The following SNX29 variants were observed in gnomAD, a reference collection of about 807,000 sequenced individuals.
SNX29 encodes the protein sorting nexin-29.
A neutral mutation model predicts 102.1 loss-of-function variants in SNX29; 78 were observed. The ratio of observed to expected loss-of-function variants is 0.76; its 90% CI spans 0.64 to 0.92. SNX29 has a LOEUF of 0.92. SNX29 is among the 40% of genes least tolerant of loss of function. SNX29 has a pLI of 0.00. For missense variants in SNX29, 1,280 were observed against 1,061.7 expected (o/e 1.21, Z -2.86); for synonymous variants, 580 against 414.5 (o/e 1.40, Z -4.85).
Position 12,306,236 on chromosome 16 carries a change from G to A in SNX29, c.1782+28200G>A, listed in dbSNP as rs563916692. Among the ~76,000 whole-genome samples the A allele has an allele frequency of 1.3e-4, 20 of 152,154 alleles. No individual in the cohort carries two copies. In the South Asian group the frequency reaches 3.3e-3, roughly 25 times the overall value. On this transcript the variant is annotated intron_variant, in intron 15 of 20. Transcript: ENST00000566228. ...GCTTTGATATAGAAAGAGTTGCATCGAAATTCTGTGTACTCTTAACCACTG... is the reference window on the plus strand; with the variant it reads ...GCTTTGATATAGAAAGAGTTGCATCAAAATTCTGTGTACTCTTAACCACTG...
At chr16:12,023,191 C>A (rs2057081462) in intron 3 of SNX29, among the ~76,000 whole-genome samples, 2 of 151,936 alleles carry the variant, frequency 1.3e-5, no homozygotes, top group Admixed American at 6.6e-5. Flanking sequence ...GCTACTGCAC[C>A]CCACCTGACT....
At chr16:12,002,284 C>A (rs571500300) in intron 2 of SNX29, among the ~76,000 whole-genome samples, 1 of 151,896 alleles carries the variant, frequency 6.6e-6, no homozygotes, top group South Asian at 2.1e-4. Flanking sequence ...CCCATCTCTA[C>A]TAAGAATACA....
intron 10 of SNX29, among the ~76,000 whole-genome samples, chr16:12,072,536 T>G (rs1287200022): frequency 6.6e-6 from 1 of 152,198 alleles, no homozygotes; most frequent in Non-Finnish European, 1.5e-5. Flanking sequence ...TCATGGTAGA[T>G]AAGCTTTTTG....
chr16:12,549,758 T>G (rs2561029), intron 20 of SNX29, among the ~76,000 whole-genome samples: 9,196 of 152,268 alleles, frequency 0.06, 458 homozygotes, highest in East Asian at 0.21. Context: ...TTGAGACCTG[T>G]TGGTGATTAG....
chr16:11,994,717 G>A (rs1332359322), intron 1 of SNX29, among the ~76,000 whole-genome samples: 1 of 152,198 alleles, frequency 6.6e-6, no homozygotes, highest in Admixed American at 6.5e-5. Context: ...CTCTCTGAGT[G>A]GCGGCAACAT....
At chr16:12,220,600 C>T (rs77307126) in intron 14 of SNX29, among the ~76,000 whole-genome samples, 3,719 of 152,242 alleles carry the variant, frequency 0.024, 154 homozygotes, top group African/African-American at 0.085. Flanking sequence ...CTGCATGTTG[C>T]GTTGTTTCTG....
chr16:12,331,589 T>G (rs1299751878), intron 15 of SNX29, among the ~76,000 whole-genome samples: 7 of 152,086 alleles, frequency 4.6e-5, no homozygotes, highest in Non-Finnish European at 1.0e-4. Context: ...CTCACTCTGT[T>G]GCCCAGGCTG....
chr16:12,381,998 A>G (rs191660820), intron 16 of SNX29, among the ~76,000 whole-genome samples: 100 of 151,926 alleles, frequency 6.6e-4, no homozygotes, highest in Non-Finnish European at 1.2e-3. Flanking sequence ...AATGATTTGT[A>G]CCTAAAGTCA....
At chr16:12,473,888 A>C (rs931982533) in intron 18 of SNX29, among the ~76,000 whole-genome samples, 3 of 152,196 alleles carry the variant, frequency 2.0e-5, no homozygotes, top group African/African-American at 4.8e-5. Context: ...TGTTTAGCAT[A>C]TAGTCAGGAA....
intron 13 of SNX29, among the ~76,000 whole-genome samples, chr16:12,144,900 T>G (rs941441243): frequency 3.9e-5 from 6 of 152,174 alleles, no homozygotes; most frequent in African/African-American, 1.2e-4. Context: ...TTTTTGTATT[T>G]TTAGTAGAGA....
At chr16:12,308,095 C>T (rs1486431160) in intron 15 of SNX29, among the ~76,000 whole-genome samples, 2 of 152,234 alleles carry the variant, frequency 1.3e-5, no homozygotes, top group Non-Finnish European at 2.9e-5. Context: ...TAACAGTAGC[C>T]TACAGCCTGC....
At chr16:12,154,970 G>C (rs1041077238) in intron 13 of SNX29, among the ~76,000 whole-genome samples, 1 of 152,190 alleles carries the variant, frequency 6.6e-6, no homozygotes, top group Non-Finnish European at 1.5e-5. Flanking sequence ...AGTGGGGAGA[G>C]GACACAAACA....
intron 15 of SNX29, among the ~76,000 whole-genome samples, chr16:12,326,969 CTG>C (rs978806320): frequency 2.6e-5 from 4 of 152,298 alleles, no homozygotes; most frequent in African/African-American, 7.2e-5. Flanking sequence ...GAGAGAAACA[CTG>C]AAGGCTTTGG....
chr16:12,461,516 A>G (rs570529624), intron 18 of SNX29, among the ~76,000 whole-genome samples: 20 of 152,312 alleles, frequency 1.3e-4, no homozygotes, highest in African/African-American at 4.8e-4. Context: ...CTCCTCTATC[A>G]GAAGCTTTTT....
At chr16:12,194,614 G>A (rs1015433559) in intron 13 of SNX29, among the ~76,000 whole-genome samples, 1 of 141,154 alleles carries the variant, frequency 7.1e-6, no homozygotes, top group African/African-American at 2.5e-5. Context: ...AGGATTTGGG[G>A]GTGGGTAGTT....
chr16:12,555,830 A>C (rs571595272), intron 20 of SNX29, among the ~76,000 whole-genome samples: 44 of 152,272 alleles, frequency 2.9e-4, no homozygotes, highest in Non-Finnish European at 3.4e-4. Context: ...GCTCCAGCTG[A>C]CTGACCAACC....
intron 16 of SNX29, among the ~76,000 whole-genome samples, chr16:12,383,772 C>CTTTTTTT (rs58531196): frequency 1.9e-5 from 2 of 105,956 alleles, no homozygotes; most frequent in South Asian, 3.2e-4. Context: ...CGTCAACTTT[C>CTTTTTTT]TTTTTTTTTT....
At chr16:12,009,506 T>C (rs1392437620) in intron 3 of SNX29, among the ~76,000 whole-genome samples, 1 of 151,868 alleles carries the variant, frequency 6.6e-6, no homozygotes, top group Non-Finnish European at 1.5e-5. Flanking sequence ...TATTTGATCT[T>C]GTGAGAGACG....
intron 20 of SNX29, among the ~76,000 whole-genome samples, chr16:12,548,375 G>GT (rs2077742591): frequency 6.6e-6 from 1 of 152,210 alleles, no homozygotes; most frequent in Admixed American, 6.5e-5. Context: ...ATGGAAGGGA[G>GT]TCCCACACCT....
Sources: gnomAD v4.1 joint callset for allele counts (sites outside exome capture counted in the v4.1 genomes callset) on GRCh38, gnomAD v4.1.1 for gene constraint, MANE v1.5 for transcripts, NCBI Gene and HGNC (gene_info 2026-07-23, HGNC 2026-07-21) for gene names.